GFRA1: variants seen among roughly 807,000 people sequenced by gnomAD.
GFRA1 encodes GDNF family receptor alpha 1.
Under a neutral mutation model 51.6 loss-of-function variants are expected in GFRA1, and 16 were observed. The ratio of observed to expected loss-of-function variants is 0.31; its 90% CI spans 0.21 to 0.47. The LOEUF is 0.47. GFRA1 is among the 20% of genes least tolerant of loss of function. GFRA1 has a pLI of 1.00. For synonymous variants in GFRA1, 270 were observed against 241.3 expected, an observed-to-expected ratio of 1.12 and a Z score of -1.10; for missense variants, 530 against 594.3, an observed-to-expected ratio of 0.89 and a Z score of 1.13.
chr10:116,170,193 G>A (rs892100091), intron 5 of GFRA1, among the ~76,000 whole-genome samples: 3 of 152,134 alleles, frequency 2.0e-5, no homozygotes, highest in Non-Finnish European at 2.9e-5. Context: ...TCACCACCAT[G>A]GTTATCTGCT....
intron 8 of GFRA1, among the ~76,000 whole-genome samples, chr10:116,092,095 GTACACA>G (rs772584606): frequency 2.8e-5 from 1 of 36,090 alleles, no homozygotes; most frequent in African/African-American, 6.6e-5. Flanking sequence ...ACATACATAC[GTACACA>G]CACACACACA....
chr10:116,157,682 C>T (rs940945161), intron 5 of GFRA1, among the ~76,000 whole-genome samples: 1 of 152,220 alleles, frequency 6.6e-6, no homozygotes, highest in Non-Finnish European at 1.5e-5. Flanking sequence ...GTGCACAACA[C>T]CATCACATGG....
chr10:116,268,322 G>A (rs981031534), intron 4 of GFRA1, among the ~76,000 whole-genome samples: 1 of 152,134 alleles, frequency 6.6e-6, no homozygotes, highest in African/African-American at 2.4e-5. Flanking sequence ...TACCTAAGAA[G>A]CACTTGATGA....
rs553213311 is a variant in GFRA1, at chr10:116,061,123, C to CA, written c.*3274dup. ...GCCCATCCTCAGAGTGTATGCAAGA[C>CA]AGGAAGTGTCTGAATATGGACCAAA... is the stretch of plus-strand genomic sequence containing the variant. On this transcript the variant is annotated 3_prime_UTR_variant, in exon 11 of 11. Coordinates refer to ENST00000355422, the MANE Select transcript of GFRA1 (RefSeq NM_005264.8). The CA allele has an allele frequency of 2.6e-4, 40 of 151,916 alleles. No homozygotes were observed. Among genetic ancestry groups the CA allele is most frequent in the Admixed American group, 2.2e-3 (34 of 15,242 alleles). The allele number at this position is 151,916 out of a possible 1,614,324, so 9.4% of individuals were successfully genotyped here.
At position 116,061,060 on chromosome 10, in the gene GFRA1, CAAG is replaced by C. The variant is rs1355586058; in HGVS notation, c.*3335_*3337del. 1 of 151,994 alleles carries C rather than the reference CAAG, an allele frequency of 6.6e-6. No individual in the cohort carries two copies. The highest frequency in any genetic ancestry group is 1.9e-4 in the East Asian group (1 of 5,146). 9.4% of individuals were successfully genotyped at this position (151,994 alleles called of 1,614,324 possible). On this transcript the variant is annotated 3_prime_UTR_variant, in exon 11 of 11. Coordinates refer to ENST00000355422, the MANE Select transcript of GFRA1 (RefSeq NM_005264.8). ...TGCTTGGGAGTGTCTGATTTAGAGA[CAAG>C]AAGGCAAGAGGGAGACGGGCGGCAG...
At chr10:116,098,436 C>T (rs557604847) in intron 6 of GFRA1, among the ~76,000 whole-genome samples, 5 of 152,314 alleles carry the variant, frequency 3.3e-5, no homozygotes, top group South Asian at 2.1e-4. Context: ...AAAGATGGCT[C>T]GGGCTTACTC....
At chr10:116,237,725 C>T (rs780956506) in intron 4 of GFRA1, among the ~76,000 whole-genome samples, 1 of 152,140 alleles carries the variant, frequency 6.6e-6, no homozygotes, top group Non-Finnish European at 1.5e-5. Flanking sequence ...ATTTGTCATC[C>T]TGCAAAGACC....
intron 5 of GFRA1, among the ~76,000 whole-genome samples, chr10:116,192,618 G>A (rs1020941547): frequency 2.0e-5 from 3 of 152,260 alleles, no homozygotes; most frequent in South Asian, 2.1e-4. Context: ...GTGCACCTTC[G>A]CCCCTGTAGC....
chr10:116,165,663 T>TGTCACACACA (rs1555161593), intron 5 of GFRA1, among the ~76,000 whole-genome samples: 2 of 99,214 alleles, frequency 2.0e-5, no homozygotes, highest in Admixed American at 9.6e-5. Context: ...TTTCTCTCAC[T>TGTCACACACA]CTCACACACA....
At chr10:116,084,809 CACAG>C (rs1565562486) in intron 9 of GFRA1, among the ~76,000 whole-genome samples, 2 of 130,878 alleles carry the variant, frequency 1.5e-5, no homozygotes, top group East Asian at 2.4e-4. Flanking sequence ...CACACACACA[CACAG>C]TCCATTTGGT....
rs562653441 is a variant in GFRA1, at chr10:116,189,009, C to A, written c.433+22622G>T. 1.4e-3 allele frequency among the ~76,000 whole-genome samples: 215 copies of A among 149,504 alleles called. 2 individuals carry two copies. The highest frequency in any genetic ancestry group is 2.1e-3 in the Non-Finnish European group (142 of 67,616). On this transcript the variant is annotated intron_variant, in intron 5 of 10. Transcript: ENST00000355422. ...GTGGCTCATGCCTCTAATCCCAGCA[C>A]TTTGGGAGGCTGGGGCAGGAGGATT...
rs533344960 is a variant in GFRA1, at chr10:116,188,808, G to A, written c.433+22823C>T. ...CCCAGCTACATGGAGGCTGAGGCAC[G>A]AGAATCACTTGAACCTGGGAGGCAG... On this transcript the variant is annotated intron_variant, in intron 5 of 10. Transcript: ENST00000355422. Among the ~76,000 whole-genome samples the A allele has an allele frequency of 1.3e-4, 20 of 151,400 alleles. 2 individuals carry two copies. Among genetic ancestry groups the A allele is most frequent in the Admixed American group, 1.2e-3 (19 of 15,218 alleles).
intron 4 of GFRA1, chr10:116,226,867 A>T (rs752907127): frequency 3.8e-6 from 1 of 261,750 alleles, no homozygotes; most frequent in Non-Finnish European, 8.1e-6. Flanking sequence ...CGCAACATAG[A>T]TCCCTCTCAT....
chr10:116,148,883 A>G (rs1958946360), intron 5 of GFRA1, among the ~76,000 whole-genome samples: 1 of 152,220 alleles, frequency 6.6e-6, no homozygotes, highest in Non-Finnish European at 1.5e-5. Context: ...CTGTATTCTA[A>G]TGGGATCAAT....
At chr10:116,133,431 G>C (rs1391475865) in intron 5 of GFRA1, among the ~76,000 whole-genome samples, 1 of 152,158 alleles carries the variant, frequency 6.6e-6, no homozygotes, top group Non-Finnish European at 1.5e-5. Flanking sequence ...AGGACAAAAA[G>C]GGTCAGGTGC....
chr10:116,108,663 A>G (rs1181420915), intron 6 of GFRA1, among the ~76,000 whole-genome samples: 1 of 152,152 alleles, frequency 6.6e-6, no homozygotes, highest in East Asian at 1.9e-4. Context: ...ATTTTAACCC[A>G]TTCACGGTGA....
intron 8 of GFRA1, among the ~76,000 whole-genome samples, chr10:116,093,019 C>CA (rs1565569330): frequency 6.6e-6 from 1 of 152,150 alleles, no homozygotes; most frequent in Admixed American, 6.5e-5. Context: ...CTTTGGGAAA[C>CA]GTGTTTCCAA....
chr10:116,194,958 G>T (rs1006447949), intron 5 of GFRA1, among the ~76,000 whole-genome samples: 1 of 152,158 alleles, frequency 6.6e-6, no homozygotes, highest in Non-Finnish European at 1.5e-5. Context: ...TGTTTTCAGC[G>T]TTTATCGTGC....
chr10:116,167,281 G>A (rs758986044), intron 5 of GFRA1, among the ~76,000 whole-genome samples: 1 of 151,984 alleles, frequency 6.6e-6, no homozygotes, highest in Non-Finnish European at 1.5e-5. Flanking sequence ...TCCTCCCATC[G>A]CCAATGATTT....
Sources: gnomAD v4.1 joint callset for allele counts (sites outside exome capture counted in the v4.1 genomes callset) on GRCh38, gnomAD v4.1.1 for gene constraint, MANE v1.5 for transcripts, NCBI Gene and HGNC (gene_info 2026-07-23, HGNC 2026-07-21) for gene names.